The following CHUK variants were observed in gnomAD, a reference collection of about 807,000 sequenced individuals.
CHUK encodes component of inhibitor of nuclear factor kappa B kinase complex, also known as inhibitor of nuclear factor kappa-B kinase subunit alpha.
CHUK carries 35 observed loss-of-function variants against 104.8 expected under a neutral mutation model. The observed-to-expected ratio is 0.33, with a 90% confidence interval of 0.26 to 0.44. The LOEUF is 0.44. Among genes scored for constraint, CHUK ranks in the 20% least tolerant of loss-of-function variants. CHUK has a pLI of 1.00. For synonymous variants in CHUK, 276 were observed against 291.9 expected, an observed-to-expected ratio of 0.95 and a Z score of 0.56; for missense variants, 663 against 902.7, an observed-to-expected ratio of 0.73 and a Z score of 3.40.
In CHUK at chr10:100,204,554, T is replaced by C. The variant is rs1159368379; in HGVS notation, c.1459A>G (p.Ile487Val). Residue 487 changes from isoleucine (I) to valine (V), a missense_variant, in exon 13 of 21, where the codon ATT becomes GTT. Transcript: ENST00000370397. Reference sequence around the variant, plus strand: ...CTGTATCTCTCCAAGTCAAGCTGAATGCTTTTGTGAAAAAACTCCAATTTA... The same window carrying C: ...CTGTATCTCTCCAAGTCAAGCTGAACGCTTTTGTGAAAAAACTCCAATTTA... ...KAKLEFFHKS[I>V]QLDLERYSEQ... 14 of 1,613,590 alleles carry C rather than the reference T, an allele frequency of 8.7e-6. No individual in the cohort carries two copies. Among genetic ancestry groups the C allele is most frequent in the Non-Finnish European group, 1.1e-5 (13 of 1,179,680 alleles).
In CHUK at chr10:100,200,749, A is replaced by G. The variant is rs781561492; in HGVS notation, c.1601T>C (p.Ile534Thr). 1.9e-6 allele frequency: 3 copies of G among 1,606,908 alleles called. No individual in the cohort carries two copies. The highest frequency in any genetic ancestry group is 1.1e-5 in the South Asian group (1 of 90,910). The change falls in exon 15 of 21, where the codon ATT becomes ACT. Residue 534 changes from isoleucine to threonine, a missense_variant. Ile to Thr is a moderately conservative substitution (Grantham distance 89). This residue lies in a region of CHUK where 311 missense variants were observed against 393.4 expected (regional missense o/e 0.79). Transcript: ENST00000370397. The part of the protein sequence containing the change: ...VGVIGYLEDQ[I>T]MSLHAEIMEL... The stretch of plus-strand genomic sequence containing the variant: ...CATGATTTCAGCATGCAAAGACATA[A>G]TCTGATCCTCCAGGTATCCAATGAC...
intron 9 of CHUK, among the ~76,000 whole-genome samples, chr10:100,211,467 A>G (rs761543413): frequency 1.3e-5 from 2 of 152,180 alleles, no homozygotes; most frequent in Non-Finnish European, 2.9e-5. Flanking sequence ...TTTGATAAAC[A>G]TCTCTACATA....
Position 100,194,015 on chromosome 10 carries a change from T to C in CHUK, c.1943A>G (p.Lys648Arg). 6.2e-7 allele frequency: 1 copy of C among 1,613,892 alleles called. No individual in the cohort carries two copies. The highest frequency in any genetic ancestry group is 2.2e-5 in the East Asian group (1 of 44,880). The change falls in exon 18 of 21, where the codon AAA becomes AGA. Residue 648 changes from lysine (K) to arginine (R), a missense_variant. This residue lies in a region of CHUK where 311 missense variants were observed against 393.4 expected (regional missense o/e 0.79). Transcript: ENST00000370397. The part of the protein sequence containing the change: ...TVMFMQGKRQ[K>R]EIWHLLKIAC... ...AATTTTAAGGAGATGCCATATTTCT[T>C]TCTGCCTTTTTCCCTGCATGAACAT...
At chr10:100,202,216 CCTT>C in intron 13 of CHUK, 67 bp from the exon 14 acceptor site, 1 of 1,015,470 alleles carries the variant, frequency 9.8e-7, no homozygotes, top group South Asian at 1.3e-5. Context: ...CTGCCTGCCT[CCTT>C]GCCATATCAA....
At position 100,224,554 on chromosome 10, in the gene CHUK, G is replaced by A. The variant is rs1302907387; in HGVS notation, c.200+1369C>T. Among the ~76,000 whole-genome samples, 8 of 150,164 alleles carry A rather than the reference G, an allele frequency of 5.3e-5. No individual in the cohort carries two copies. In the South Asian group the frequency reaches 1.1e-3, roughly 20 times the overall value. ...CGGGTTCAAGCAATTCTCCTCCCTC[G>A]GCCTCCCAAGTAGCTGGGATTACAG... On this transcript the variant is annotated intron_variant, in intron 2 of 20. Coordinates refer to ENST00000370397, the MANE Select transcript of CHUK (RefSeq NM_001278.5).
chr10:100,205,205 T>C lies in CHUK; in HGVS notation c.1232-6A>G, dbSNP rs182946770. 9 of 1,613,850 alleles carry C rather than the reference T, an allele frequency of 5.6e-6. No homozygotes were observed. Among genetic ancestry groups the C allele is most frequent in the Admixed American group, 5.0e-5 (3 of 60,022 alleles). Reference sequence around the variant, plus strand: ...CTGTATTTTGCTGTCCTGTACTATATACAAGAAGATGAGAAAAAGGGCAAG... The same window carrying C: ...CTGTATTTTGCTGTCCTGTACTATACACAAGAAGATGAGAAAAAGGGCAAG... On this transcript the variant is annotated splice_polypyrimidine_tract_variant and splice_region_variant and intron_variant, in intron 11 of 20. Transcript: ENST00000370397.
At position 100,223,337 on chromosome 10, in the gene CHUK, G is replaced by C. The variant is rs113868149; in HGVS notation, c.201-357C>G. Among the ~76,000 whole-genome samples the C allele has an allele frequency of 2.8e-3, 431 of 152,260 alleles. 7 individuals are homozygous for C. The highest frequency in any genetic ancestry group is 9.7e-3 in the African/African-American group (401 of 41,550). ...TGGCTAAGTAACAAGATCACACAGT[G>C]AGTAAGTCAAATCTGGCGTTCTAGG... is the stretch of plus-strand genomic sequence containing the variant. On this transcript the variant is annotated intron_variant, in intron 2 of 20. Coordinates refer to ENST00000370397, the MANE Select transcript of CHUK (RefSeq NM_001278.5).
intron 9 of CHUK, among the ~76,000 whole-genome samples, chr10:100,214,415 G>T (rs189748998): frequency 6.6e-6 from 1 of 152,246 alleles, no homozygotes; most frequent in Admixed American, 6.5e-5. Context: ...AAATGTGATA[G>T]GTGTTATAAT....
intron 9 of CHUK, among the ~76,000 whole-genome samples, chr10:100,215,729 TCAAA>T (rs1428696229): frequency 2.6e-5 from 4 of 152,178 alleles, no homozygotes; most frequent in Non-Finnish European, 5.9e-5. Context: ...TAAGTGAAAA[TCAAA>T]CAGACATCAT....
intron 9 of CHUK, among the ~76,000 whole-genome samples, chr10:100,213,924 T>C (rs1020850198): frequency 2.0e-5 from 3 of 152,242 alleles, no homozygotes; most frequent in African/African-American, 7.2e-5. Context: ...AGTATTTCTC[T>C]TATTAAGAGA....
At chr10:100,211,906 A>T (rs1845737738) in intron 9 of CHUK, among the ~76,000 whole-genome samples, 1 of 150,568 alleles carries the variant, frequency 6.6e-6, no homozygotes, top group South Asian at 2.1e-4. Flanking sequence ...TTTGAGACAG[A>T]GTCTTGCTGT....
intron 9 of CHUK, among the ~76,000 whole-genome samples, chr10:100,210,083 ATTTATTTATT>A (rs1564836507): frequency 7.7e-6 from 1 of 130,172 alleles, no homozygotes; most frequent in Non-Finnish European, 1.6e-5. Context: ...TTATTTATTT[ATTTATTTATT>A]TTTTTTTTTT....
At chr10:100,213,029 GA>G (rs1238660459) in intron 9 of CHUK, among the ~76,000 whole-genome samples, 1 of 145,192 alleles carries the variant, frequency 6.9e-6, no homozygotes. Context: ...AGAAGAAAAA[GA>G]AAAAAAAAGA....
At chr10:100,187,073 T>C (rs1331079693), downstream of CHUK, 3 of 152,320 alleles carry the variant, frequency 2.0e-5, no homozygotes, top group Non-Finnish European at 2.9e-5. Flanking sequence ...TAATGCTCAC[T>C]CGCCCGCCGC....
chr10:100,207,986 A>G (rs540270789), intron 10 of CHUK, among the ~76,000 whole-genome samples: 1 of 152,350 alleles, frequency 6.6e-6, no homozygotes, highest in Non-Finnish European at 1.5e-5. Context: ...AAGTCATAAA[A>G]AGAAAAATGG....
In CHUK at chr10:100,219,404, T is replaced by G. The variant is rs1179571523; in HGVS notation, c.475-45A>C. On this transcript the variant is annotated intron_variant, in intron 5 of 20. Transcript: ENST00000370397. ...ATTAAGTATTAAATGGTAGAGAAAT[T>G]TAAAAAGGAAAGACAACAATATCCT... 3.6e-6 allele frequency: 4 copies of G among 1,117,988 alleles called. No individual in the cohort carries two copies. In the South Asian group the frequency reaches 5.0e-5, roughly 14 times the overall value. 69.3% of individuals were successfully genotyped at this position (1,117,988 alleles called of 1,614,324 possible). A position where few individuals can be genotyped will look rare whatever the true frequency, so the allele number is the denominator to read the frequency against.
intron 1 of CHUK, among the ~76,000 whole-genome samples, chr10:100,228,991 G>GCACACACA (rs576139683): frequency 0.04 from 4,540 of 114,714 alleles, 98 homozygotes; most frequent in Non-Finnish European, 0.052. Flanking sequence ...GCGCGCGCGC[G>GCACACACA]CGCACACACA....
In CHUK at chr10:100,210,277, C is replaced by CG. The variant is rs1224383827; in HGVS notation, c.934-489dup. ...TAATTTTTTGTATTTTTAGTAGAGA[C>CG]GGGGTTTCACCGTTTTAGCCGGGAT... On this transcript the variant is annotated intron_variant, in intron 9 of 20. Transcript: ENST00000370397. Among the ~76,000 whole-genome samples, 438 of 150,810 alleles carry CG rather than the reference C, an allele frequency of 2.9e-3. 3 individuals carry two copies. Among genetic ancestry groups the CG allele is most frequent in the African/African-American group, 0.01 (427 of 41,032 alleles).
At chr10:100,219,387 T>C in intron 5 of CHUK, 28 bp from the exon 6 acceptor site, 2 of 1,207,048 alleles carry the variant, frequency 1.7e-6, no homozygotes, top group East Asian at 2.3e-5. Context: ...AGATTAAGTA[T>C]TAAATGGTAG....
Sources: allele counts gnomAD v4.1 joint callset (sites outside exome capture counted in the v4.1 genomes callset), GRCh38; gene constraint gnomAD v4.1.1; regional missense constraint gnomAD v4.1.1; transcripts MANE v1.5; gene names NCBI Gene and HGNC (gene_info 2026-07-23, HGNC 2026-07-21).